The following CADM2 variants were observed in gnomAD, a reference collection of about 807,000 sequenced individuals.
CADM2 encodes immunoglobulin superfamily member 4D.
In CADM2, 12 loss-of-function variants were observed where a neutral mutation model predicts 49.8. That is an observed-to-expected ratio of 0.24 (90% confidence interval 0.15 to 0.39). The LOEUF (loss-of-function observed/expected upper bound fraction) is 0.39. Ranked by LOEUF, CADM2 falls within the 10% of genes least tolerant of loss-of-function variation. CADM2 has a pLI of 1.00. For synonymous variants in CADM2, 214 were observed against 175.4 expected (o/e 1.22, Z -1.74); for missense variants, 378 against 492.3 (o/e 0.77, Z 2.20).
intron 1 of CADM2, among the ~76,000 whole-genome samples, chr3:85,413,361 C>CA (rs2035765181): frequency 6.6e-6 from 1 of 151,680 alleles, no homozygotes. Flanking sequence ...ATAAAGTGGG[C>CA]AAAAATAGTG....
intron 1 of CADM2, among the ~76,000 whole-genome samples, chr3:85,633,396 G>C (rs759221466): frequency 6.6e-6 from 1 of 151,918 alleles, no homozygotes; most frequent in African/African-American, 2.4e-5. Flanking sequence ...AACTATAGTG[G>C]TTTTGAGAAG....
At chr3:86,015,049 A>G in intron 8 of CADM2, 1 of 804,814 alleles carries the variant, frequency 1.2e-6, no homozygotes, top group East Asian at 2.5e-5. Context: ...TTAATGGCGG[A>G]CACACACGTT....
chr3:85,715,720 T>C (rs1184454786), intron 1 of CADM2, among the ~76,000 whole-genome samples: 1 of 152,166 alleles, frequency 6.6e-6, no homozygotes, highest in Non-Finnish European at 1.5e-5. Context: ...ATGTTCTCAT[T>C]GTTCAACTCC....
intron 6 of CADM2, among the ~76,000 whole-genome samples, chr3:85,928,872 A>G (rs1474363894): frequency 6.6e-6 from 1 of 152,132 alleles, no homozygotes; most frequent in Non-Finnish European, 1.5e-5. Flanking sequence ...AAGTTAATAT[A>G]TTAGATTTTG....
intron 1 of CADM2, among the ~76,000 whole-genome samples, chr3:85,337,639 T>G (rs1174734492): frequency 1.3e-5 from 2 of 151,432 alleles, no homozygotes; most frequent in African/African-American, 4.8e-5. Flanking sequence ...TATTCACCAC[T>G]TTGAGAGTCT....
intron 1 of CADM2, among the ~76,000 whole-genome samples, chr3:85,606,255 T>G (rs964989147): frequency 3.3e-5 from 5 of 152,124 alleles, no homozygotes; most frequent in Non-Finnish European, 7.4e-5. Flanking sequence ...AACTCTCATT[T>G]TTTTGATTTA....
intron 1 of CADM2, among the ~76,000 whole-genome samples, chr3:85,663,716 C>G (rs1025175105): frequency 1.2e-4 from 19 of 152,118 alleles, no homozygotes; most frequent in Admixed American, 1.1e-3. Context: ...TCTTTCTTAA[C>G]AGCATAAAAG....
chr3:85,054,319 C>A (rs2035993569), intron 1 of CADM2, among the ~76,000 whole-genome samples: 1 of 151,612 alleles, frequency 6.6e-6, no homozygotes, highest in South Asian at 2.1e-4. Context: ...CAGGGAGCAG[C>A]TGGAGAAAAT....
chr3:85,883,342 G>A lies in CADM2; in HGVS notation c.290G>A (p.Ser97Asn), dbSNP rs1337658356. The change falls in exon 4 of 10, where the codon AGT (serine) becomes AAT (asparagine). Residue 97 changes from serine to asparagine, a missense_variant. Physicochemically the swap from Ser to Asn is conservative, Grantham distance 46. Coordinates refer to ENST00000383699, the MANE Select transcript of CADM2 (RefSeq NM_001167675.2). ...GTTCGCGCTTCCTGGCATGAATTGA[G>A]TATTAGTGTCAGTGATGTGTCTCTC... The part of the protein sequence containing the change: ...ELVRASWHEL[S>N]ISVSDVSLSD... 1.2e-6 allele frequency: 2 copies of A among 1,613,738 alleles called. No individual in the cohort carries two copies. Among genetic ancestry groups the A allele is most frequent in the Non-Finnish European group, 8.5e-7 (1 of 1,179,880 alleles).
intron 1 of CADM2, among the ~76,000 whole-genome samples, chr3:85,541,742 TATTTTATATA>T (rs1431301284): frequency 1.6e-4 from 21 of 127,412 alleles, no homozygotes; most frequent in Middle Eastern, 3.9e-3. Context: ...TTTATATATA[TATTTTATATA>T]TTTTATATAT....
intron 1 of CADM2, among the ~76,000 whole-genome samples, chr3:85,285,994 G>A (rs966110297): frequency 1.3e-5 from 2 of 152,086 alleles, no homozygotes; most frequent in African/African-American, 4.8e-5. Context: ...CTGGTAAAAT[G>A]AAAGGCGCAA....
chr3:85,080,732 T>C (rs1198475890), intron 1 of CADM2, among the ~76,000 whole-genome samples: 2 of 152,120 alleles, frequency 1.3e-5, no homozygotes, highest in Non-Finnish European at 2.9e-5. Context: ...TCACTTAAAT[T>C]TGAGTAAACC....
chr3:85,060,756 G>A (rs1417371276), intron 1 of CADM2, among the ~76,000 whole-genome samples: 3 of 151,870 alleles, frequency 2.0e-5, no homozygotes, highest in Admixed American at 6.6e-5. Context: ...GGTGGCTCAC[G>A]CTTATAATAA....
intron 6 of CADM2, among the ~76,000 whole-genome samples, chr3:85,919,068 T>C (rs1718759432): frequency 6.6e-6 from 1 of 152,036 alleles, no homozygotes; most frequent in African/African-American, 2.4e-5. Context: ...TGTCAGACTA[T>C]TGTGTGTTTT....
chr3:85,354,742 A>G (rs28732378), intron 1 of CADM2, among the ~76,000 whole-genome samples: 107,833 of 151,798 alleles, frequency 0.71, 38,473 homozygotes, highest in East Asian at 0.81. Flanking sequence ...TATTTCTTAT[A>G]AAGAGTTGCA....
intron 1 of CADM2, among the ~76,000 whole-genome samples, chr3:85,583,403 G>T (rs187823683): frequency 6.6e-6 from 1 of 152,016 alleles, no homozygotes; most frequent in Non-Finnish European, 1.5e-5. Flanking sequence ...TTCTGGAAAC[G>T]ACTGTCCTAC....
intron 2 of CADM2, among the ~76,000 whole-genome samples, chr3:85,774,420 A>G (rs1437679492): frequency 1.3e-5 from 2 of 151,842 alleles, no homozygotes; most frequent in South Asian, 4.1e-4. Flanking sequence ...TGTAGTCACC[A>G]TATGCCAAGC....
chr3:85,410,769 G>A (rs1663182940), intron 1 of CADM2, among the ~76,000 whole-genome samples: 1 of 152,180 alleles, frequency 6.6e-6, no homozygotes, highest in African/African-American at 2.4e-5. Context: ...AAAGCTCTTT[G>A]TAGGTGATAG....
chr3:85,955,999 T>A (rs1338730387), intron 7 of CADM2, among the ~76,000 whole-genome samples: 4 of 151,754 alleles, frequency 2.6e-5, no homozygotes, highest in Non-Finnish European at 5.9e-5. Flanking sequence ...TATAGTTTTA[T>A]AGAATTGATA....
Sources: allele counts gnomAD v4.1 joint callset (sites outside exome capture counted in the v4.1 genomes callset), GRCh38; gene constraint gnomAD v4.1.1; transcripts MANE v1.5; gene names NCBI Gene and HGNC (gene_info 2026-07-23, HGNC 2026-07-21).